The following CSMD1 variants were observed in gnomAD, a reference collection of about 807,000 sequenced individuals.
CSMD1 encodes CUB and Sushi multiple domains 1.
A neutral mutation model predicts 417.5 loss-of-function variants in CSMD1; 213 were observed. The observed-to-expected ratio is 0.51, with a 90% CI of 0.46 to 0.57. CSMD1 has a LOEUF of 0.57. Ranked by LOEUF, CSMD1 falls within the 20% of genes least tolerant of loss-of-function variation. The pLI, the probability that CSMD1 is intolerant of heterozygous loss-of-function variation, is 0.00. For synonymous variants in CSMD1, 2,862 were observed against 1,736.8 expected, an observed-to-expected ratio of 1.65 and a Z score of -16.11; for missense variants, 6,923 against 4,529.7, an observed-to-expected ratio of 1.53 and a Z score of -15.17.
At chr8:4,774,151 T>C (rs902536224) in intron 1 of CSMD1, among the ~76,000 whole-genome samples, 1 of 152,266 alleles carries the variant, frequency 6.6e-6, no homozygotes, top group African/African-American at 2.4e-5. Context: ...AGTGAGCCAA[T>C]ATCGTGCCAC....
intron 7 of CSMD1, among the ~76,000 whole-genome samples, chr8:3,689,168 G>T (rs1800103130): frequency 6.6e-6 from 1 of 152,126 alleles, no homozygotes; most frequent in African/African-American, 2.4e-5. Context: ...CTAAGGTTGG[G>T]AACATGTCAT....
intron 10 of CSMD1, among the ~76,000 whole-genome samples, chr8:3,538,435 C>T (rs1798295642): frequency 1.3e-5 from 2 of 152,144 alleles, no homozygotes; most frequent in South Asian, 2.1e-4. Context: ...TGAGATGCCT[C>T]ACCTGAGATG....
In CSMD1 at chr8:3,480,617, C is replaced by G. The variant is rs55824421; in HGVS notation, c.1449-11793G>C. Among the ~76,000 whole-genome samples, 401 of 152,114 alleles carry G rather than the reference C, an allele frequency of 2.6e-3. 4 individuals are homozygous for G. Among genetic ancestry groups the G allele is most frequent in the African/African-American group, 9.2e-3 (383 of 41,518 alleles). ...TTAACCTCTCAAAAATAAACCTAAA[C>G]AAATCCATTCCAAGACACATCTAAT... On this transcript the variant is annotated intron_variant, in intron 11 of 69. Coordinates refer to ENST00000635120, the MANE Select transcript of CSMD1 (RefSeq NM_033225.6).
intron 1 of CSMD1, among the ~76,000 whole-genome samples, chr8:4,684,841 T>C (rs374604473): frequency 7.2e-5 from 11 of 152,328 alleles, no homozygotes; most frequent in African/African-American, 2.6e-4. Context: ...TGTTAAAGAA[T>C]ATAATAGACA....
chr8:4,639,400 T>C (rs1803058418), intron 1 of CSMD1, among the ~76,000 whole-genome samples: 1 of 152,140 alleles, frequency 6.6e-6, no homozygotes, highest in Non-Finnish European at 1.5e-5. Context: ...AAACACACTC[T>C]GCTCATGTAC....
intron 6 of CSMD1, among the ~76,000 whole-genome samples, chr8:3,715,054 T>A (rs1442607784): frequency 6.6e-6 from 1 of 152,174 alleles, no homozygotes; most frequent in Non-Finnish European, 1.5e-5. Flanking sequence ...AATTACATAA[T>A]CCCCTTCCCC....
chr8:3,008,659 G>C (rs983230501), intron 52 of CSMD1, among the ~76,000 whole-genome samples: 5 of 152,164 alleles, frequency 3.3e-5, no homozygotes, highest in Non-Finnish European at 5.9e-5. Flanking sequence ...TTTCTGGAAA[G>C]CGGTTCTACA....
At chr8:4,753,456 C>G (rs945308369) in intron 1 of CSMD1, among the ~76,000 whole-genome samples, 1 of 150,886 alleles carries the variant, frequency 6.6e-6, no homozygotes, top group Non-Finnish European at 1.5e-5. Flanking sequence ...CATGCGCACA[C>G]ACTCCTTTGT....
At chr8:3,403,392 C>T (rs1025710144) in intron 15 of CSMD1, among the ~76,000 whole-genome samples, 42 of 152,278 alleles carry the variant, frequency 2.8e-4, no homozygotes, top group African/African-American at 8.9e-4. Context: ...CCCGCCTGTT[C>T]CATCGGAGCG....
intron 1 of CSMD1, among the ~76,000 whole-genome samples, chr8:4,684,266 G>T (rs1210141617): frequency 6.6e-6 from 1 of 152,172 alleles, no homozygotes; most frequent in African/African-American, 2.4e-5. Flanking sequence ...AGTGTGCATT[G>T]ATTTTTAATC....
rs181524792 is a variant in CSMD1, at chr8:3,526,555, G to A, written c.1345-32829C>T. On this transcript the variant is annotated intron_variant, in intron 10 of 69. Transcript: ENST00000635120. ...CCAGGAATGGGAACGGCCCCAGAGTGTCACTAATGCATCATTGCCTGTGTT... is the reference window on the plus strand; with the variant it reads ...CCAGGAATGGGAACGGCCCCAGAGTATCACTAATGCATCATTGCCTGTGTT... 1.3e-3 allele frequency among the ~76,000 whole-genome samples: 196 copies of A among 152,302 alleles called. 1 individual carries two copies. The highest frequency in any genetic ancestry group is 5.0e-3 in the Admixed American group (76 of 15,300).
rs1462061083 is a variant in CSMD1, at chr8:3,570,618, A to G, written c.1344+4327T>C. 3.3e-5 allele frequency among the ~76,000 whole-genome samples: 5 copies of G among 152,208 alleles called. No individual in the cohort carries two copies. The East Asian group carries it at 9.6e-4, about 29-fold the overall frequency. ...TGCAATGCTATCACGGAGCTACTGAATACAACCTGGAAGCTCCCTGACTCT... is the reference window on the plus strand; with the variant it reads ...TGCAATGCTATCACGGAGCTACTGAGTACAACCTGGAAGCTCCCTGACTCT... On this transcript the variant is annotated intron_variant, in intron 10 of 69. Coordinates refer to ENST00000635120, the MANE Select transcript of CSMD1 (RefSeq NM_033225.6).
intron 1 of CSMD1, among the ~76,000 whole-genome samples, chr8:4,647,134 G>A (rs1353207164): frequency 6.6e-6 from 1 of 151,948 alleles, no homozygotes; most frequent in East Asian, 1.9e-4. Context: ...AAATTTAAAT[G>A]TATAAAAATC....
At chr8:4,216,377 CCATCAGAATAGTGTG>C (rs1465458216) in intron 3 of CSMD1, among the ~76,000 whole-genome samples, 1 of 152,156 alleles carries the variant, frequency 6.6e-6, no homozygotes, top group African/African-American at 2.4e-5. Flanking sequence ...GGTGCACACA[CCATCAGAATAGTGTG>C]TACTATTGTG....
chr8:4,949,411 T>C (rs1284296060), intron 1 of CSMD1, among the ~76,000 whole-genome samples: 1 of 152,222 alleles, frequency 6.6e-6, no homozygotes, highest in East Asian at 1.9e-4. Flanking sequence ...GGTGAAACTT[T>C]CCTGGAAAAT....
At chr8:3,929,297 T>A (rs1344146849) in intron 5 of CSMD1, among the ~76,000 whole-genome samples, 1 of 150,492 alleles carries the variant, frequency 6.6e-6, no homozygotes, top group Non-Finnish European at 1.5e-5. Context: ...AGAAACTCAA[T>A]GCTGAAATTA....
At chr8:2,986,014 G>A (rs1805874505) in intron 54 of CSMD1, among the ~76,000 whole-genome samples, 2 of 142,540 alleles carry the variant, frequency 1.4e-5, no homozygotes, top group Admixed American at 1.4e-4. Context: ...GGGGAGAGAG[G>A]GAGGGAGGGA....
At chr8:4,923,687 C>G (rs1054033417) in intron 1 of CSMD1, among the ~76,000 whole-genome samples, 1 of 152,144 alleles carries the variant, frequency 6.6e-6, no homozygotes, top group Non-Finnish European at 1.5e-5. Flanking sequence ...ACGGAGAGCA[C>G]TCAGTGGGAC....
chr8:3,373,793 T>G (rs1291314504), intron 18 of CSMD1: 1 of 152,176 alleles, frequency 6.6e-6, no homozygotes, highest in South Asian at 2.1e-4. Context: ...TGAATTTTAC[T>G]TTTCTATTTA....
Sources: gnomAD v4.1 joint callset for allele counts (sites outside exome capture counted in the v4.1 genomes callset) on GRCh38, gnomAD v4.1.1 for gene constraint, MANE v1.5 for transcripts, NCBI Gene and HGNC (gene_info 2026-07-23, HGNC 2026-07-21) for gene names.